The following PBRM1 variants were observed in gnomAD, a reference collection of about 807,000 sequenced individuals.
The protein encoded by PBRM1 is polybromo 1.
A neutral mutation model predicts 194.5 loss-of-function variants in PBRM1; 27 were observed. The observed-to-expected ratio is 0.14, with a 90% CI of 0.10 to 0.19. The LOEUF (loss-of-function observed/expected upper bound fraction) is 0.19. Among genes scored for constraint, PBRM1 ranks in the 10% least tolerant of loss-of-function variants. The pLI is 1.00. For synonymous variants in PBRM1, 655 were observed against 693.2 expected (o/e 0.94, Z 0.87); for missense variants, 1,466 against 2,077.2 (o/e 0.71, Z 5.72).
intron 15 of PBRM1, among the ~76,000 whole-genome samples, chr3:52,613,639 T>C (rs1478741051): frequency 6.6e-6 from 1 of 151,846 alleles, no homozygotes; most frequent in Non-Finnish European, 1.5e-5. Context: ...TCACCACCCC[T>C]GGCCACTGTA....
intron 4 of PBRM1, among the ~76,000 whole-genome samples, chr3:52,659,750 T>C (rs972447167): frequency 2.0e-5 from 3 of 152,138 alleles, no homozygotes; most frequent in Non-Finnish European, 4.4e-5. Context: ...ATTTAAAAAT[T>C]AGAAACCTGA....
intron 19 of PBRM1, 56 bp from the exon 22 acceptor site, chr3:52,586,744 CAATCAA>C: frequency 6.6e-6 from 1 of 150,562 alleles, no homozygotes; most frequent in Non-Finnish European, 1.1e-5. Context: ...TTCTGAAAAT[CAATCAA>C]AAAAAAAAAA....
intron 3 of PBRM1, among the ~76,000 whole-genome samples, chr3:52,666,889 T>G (rs1578057418): frequency 1.4e-5 from 1 of 72,018 alleles, no homozygotes; most frequent in East Asian, 3.5e-4. Flanking sequence ...AGATCGTGTC[T>G]CAAAAAAAAA....
At chr3:52,570,921 T>C (rs2086898311) in intron 22 of PBRM1, among the ~76,000 whole-genome samples, 1 of 151,470 alleles carries the variant, frequency 6.6e-6, no homozygotes, top group African/African-American at 2.4e-5. Context: ...TAGAGTTTCC[T>C]TCTGTTGTCC....
At chr3:52,624,265 T>A (rs1274757410) in intron 13 of PBRM1, among the ~76,000 whole-genome samples, 1 of 152,252 alleles carries the variant, frequency 6.6e-6, no homozygotes, top group Non-Finnish European at 1.5e-5. Flanking sequence ...TTCTCCTTTA[T>A]AAACTGTAAG....
intron 28 of PBRM1, 32 bp downstream of exon 30, chr3:52,550,715 C>G: frequency 6.3e-7 from 1 of 1,595,436 alleles, no homozygotes; most frequent in African/African-American, 1.3e-5. Flanking sequence ...CGAATTCTGT[C>G]AAGTCCTAGA....
At chr3:52,680,168 A>G (rs2097178765), upstream of PBRM1, among the ~76,000 whole-genome samples, 1 of 152,120 alleles carries the variant, frequency 6.6e-6, no homozygotes, top group African/African-American at 2.4e-5. Flanking sequence ...TGTGCCTTAC[A>G]ATTATGATCA....
Position 52,628,798 on chromosome 3 carries a change from T to TG in PBRM1, c.1443+95dup, listed in dbSNP as rs200170737. The TG allele has an allele frequency of 1.7e-3, 1,866 of 1,077,370 alleles. 20 individuals carry two copies. The African/African-American group carries it at 0.025, about 15-fold the overall frequency. 66.7% of individuals were successfully genotyped at this position (1,077,370 alleles called of 1,614,324 possible). ...AATGATGTAATATTACTGCTGAGGG[T>TG]GGGGGGGATCACACATCTTACTAGA... On this transcript the variant is annotated intron_variant, in intron 12 of 29. Transcript: ENST00000296302.
chr3:52,608,877 G>A (rs1218176069), intron 16 of PBRM1, among the ~76,000 whole-genome samples: 2 of 151,596 alleles, frequency 1.3e-5, no homozygotes, highest in Non-Finnish European at 2.9e-5. Context: ...ACCCTCTGAG[G>A]TACTTAAAAT....
At chr3:52,586,284 C>A (rs1174707345) in intron 20 of PBRM1, 141 bp downstream of exon 22, 7 of 706,662 alleles carry the variant, frequency 9.9e-6, no homozygotes, top group South Asian at 2.0e-5. Flanking sequence ...AAATTTCTTT[C>A]TGTTATAGTT....
chr3:52,627,250 C>A (rs1220748163), intron 13 of PBRM1, 23 bp downstream of exon 14: 6 of 1,324,722 alleles, frequency 4.5e-6, no homozygotes, highest in Non-Finnish European at 6.5e-6. Context: ...TGAGATGTCC[C>A]CAGCTATAAG....
At chr3:52,679,438 A>G in intron 1 of PBRM1, 136 bp downstream of exon 2, 1 of 737,240 alleles carries the variant, frequency 1.4e-6, no homozygotes, top group South Asian at 1.9e-5. Flanking sequence ...CATAATGTTC[A>G]TAAAAGAAAA....
chr3:52,614,115 G>A (rs964585882), intron 15 of PBRM1, among the ~76,000 whole-genome samples: 1 of 152,084 alleles, frequency 6.6e-6, no homozygotes, highest in African/African-American at 2.4e-5. Flanking sequence ...GCTCACACCC[G>A]TAATCCCAGC....
chr3:52,589,851 G>T (rs1245588520), intron 17 of PBRM1, among the ~76,000 whole-genome samples: 1 of 151,658 alleles, frequency 6.6e-6, no homozygotes, highest in Admixed American at 6.6e-5. Flanking sequence ...TTTTCGAGAC[G>T]GAGTTTCGCT....
At position 52,657,349 on chromosome 3, in the gene PBRM1, AAAAC is replaced by A. The variant is rs566082757; in HGVS notation, c.645+846_645+849del. ...ACAAATAAAAATAATTACCAATCAA[AAAAC>A]AAAAAACGTAAAAATAAAAAAATAA... On this transcript the variant is annotated intron_variant, in intron 5 of 29. Coordinates refer to ENST00000296302, the Ensembl canonical transcript of PBRM1. Among the ~76,000 whole-genome samples, 51 of 152,180 alleles carry A rather than the reference AAAAC, an allele frequency of 3.4e-4. 1 individual carries two copies. The East Asian group carries it at 9.3e-3, about 28-fold the overall frequency.
At chr3:52,605,463 G>GC (rs1233976194) in intron 16 of PBRM1, among the ~76,000 whole-genome samples, 1 of 152,150 alleles carries the variant, frequency 6.6e-6, no homozygotes, top group Admixed American at 6.5e-5. Context: ...GTGTGGCCAA[G>GC]TAGGCCACCT....
At chr3:52,662,550 G>A (rs766720639) in intron 3 of PBRM1, among the ~76,000 whole-genome samples, 4 of 152,050 alleles carry the variant, frequency 2.6e-5, no homozygotes, top group African/African-American at 4.8e-5. Context: ...AATTATGACC[G>A]GGCACAGTGG....
intron 2 of PBRM1, among the ~76,000 whole-genome samples, chr3:52,674,489 A>AC (rs1183110925): frequency 7.0e-6 from 1 of 142,358 alleles, no homozygotes; most frequent in Non-Finnish European, 1.6e-5. Flanking sequence ...CAAAAAAAAA[A>AC]AAAAAAAAGA....
chr3:52,551,989 G>A (rs1575482691), intron 27 of PBRM1: 2 of 152,162 alleles, frequency 1.3e-5, no homozygotes, highest in East Asian at 3.9e-4. Flanking sequence ...GCATAAGAGA[G>A]CCTCTTATTT....
Sources: gnomAD v4.1 joint callset for allele counts (sites outside exome capture counted in the v4.1 genomes callset) on GRCh38, gnomAD v4.1.1 for gene constraint, MANE v1.5 for transcripts, NCBI Gene and HGNC (gene_info 2026-07-23, HGNC 2026-07-21) for gene names.